The following LAMA2 variants were observed in gnomAD, a reference collection of about 807,000 sequenced individuals.
LAMA2 encodes laminin subunit alpha-2.
LAMA2 carries 269 observed loss-of-function variants against 364.8 expected under a neutral mutation model. The ratio of observed to expected loss-of-function variants is 0.74; its 90% confidence interval spans 0.67 to 0.82. The LOEUF is 0.82. Among genes scored for constraint, LAMA2 ranks in the 40% least tolerant of loss-of-function variants. The pLI is 0.00. For synonymous variants in LAMA2, 1,379 were observed against 1,370.6 expected (o/e 1.01, Z -0.14); for missense variants, 3,807 against 3,873.2 (o/e 0.98, Z 0.45).
chr6:129,353,475 A>G (rs1776978443), intron 32 of LAMA2, 118 bp downstream of exon 32: 1 of 761,630 alleles, frequency 1.3e-6, no homozygotes. Flanking sequence ...CAATAGTTAT[A>G]CTCTTCATTC....
chr6:128,993,697 TGTCA>T (rs1274923561), intron 1 of LAMA2, among the ~76,000 whole-genome samples: 1 of 152,128 alleles, frequency 6.6e-6, no homozygotes. Context: ...TGCTTGTGTG[TGTCA>T]GTCAGAGGGG....
chr6:129,095,112 A>G (rs763489118), intron 3 of LAMA2, among the ~76,000 whole-genome samples: 1 of 152,220 alleles, frequency 6.6e-6, no homozygotes, highest in Non-Finnish European at 1.5e-5. Flanking sequence ...TCTTTAACCC[A>G]TTTCTCATTT....
At chr6:129,229,318 TG>T (rs1172354090) in intron 12 of LAMA2, among the ~76,000 whole-genome samples, 1 of 152,064 alleles carries the variant, frequency 6.6e-6, no homozygotes, top group Non-Finnish European at 1.5e-5. Context: ...AAAAGTTATG[TG>T]GGTATCTGGA....
chr6:129,505,233 C>A lies in LAMA2; in HGVS notation c.8581C>A (p.Leu2861Ile), dbSNP rs1372707521. 1.9e-6 allele frequency: 3 copies of A among 1,613,724 alleles called. No individual in the cohort carries two copies. Among genetic ancestry groups the A allele is most frequent in the East Asian group, 2.2e-5 (1 of 44,864 alleles). The change falls in exon 61 of 65, where the codon CTT (leucine) becomes ATT (isoleucine). Residue 2861 changes from leucine (L) to isoleucine (I), a missense_variant. Leu to Ile is a conservative substitution (Grantham distance 5, BLOSUM62 2). This residue lies in a region of LAMA2 where 3,333 missense variants were observed against 3,345.7 expected (regional missense o/e 1.00). Transcript: ENST00000421865. ...AATGAGAAGTAAGCAAGAAGGAATT[C>A]TTTATGTAGATGGGGCTTCCAACAG... The part of the protein sequence containing the change: ...KIMRSKQEGI[L>I]YVDGASNRTI...
At position 128,883,327 on chromosome 6, in the gene LAMA2, C is replaced by T. The variant is rs776665392; in HGVS notation, c.82C>T (p.Gln28Ter). The stretch of plus-strand genomic sequence containing the variant: ...CGTACAGGCGCAGCGGCCGCAGCAG[C>T]AGCGGCAGTCACAGGCACATCAGCA... Reference protein sequence around the residue: ...GGVQAQRPQQQRQSQAHQQRG... With the variant: ...GGVQAQRPQQ The change falls in exon 1 of 65, where the codon CAG becomes TAG. Residue 28 changes from glutamine (Q) to a stop codon, truncating the protein, a stop_gained. Coordinates refer to ENST00000421865, the MANE Select transcript of LAMA2 (RefSeq NM_000426.4). LOFTEE classifies it high-confidence loss of function. The T allele has an allele frequency of 6.3e-7, 1 of 1,598,586 alleles. No individual in the cohort carries two copies. The highest frequency in any genetic ancestry group is 8.5e-7 in the Non-Finnish European group (1 of 1,172,942).
Position 129,098,360 on chromosome 6 carries a change from A to G in LAMA2, c.584A>G (p.Asp195Gly), listed in dbSNP as rs1775312625. ...RTGPPSYAKD[D>G]EVICTSFYSK... ...GGGCCACCGTCATATGCCAAAGATG[A>G]TGAGGTCATCTGCACTTCATTTTAC... The change falls in exon 4 of 65, where the codon GAT becomes GGT. Residue 195 changes from aspartate to glycine, a missense_variant. Asp to Gly is a moderately conservative substitution (Grantham distance 94). Around this residue, in one of 3 missense-constraint regions of LAMA2, gnomAD observed 394 missense variants for 403.5 expected, o/e 0.98. Coordinates refer to ENST00000421865, the MANE Select transcript of LAMA2 (RefSeq NM_000426.4). 1 of 1,614,100 alleles carries G rather than the reference A, an allele frequency of 6.2e-7. No individual in the cohort carries two copies. Among genetic ancestry groups the G allele is most frequent in the African/African-American group, 1.3e-5 (1 of 75,034 alleles).
chr6:128,885,245 G>A (rs1776080286), intron 1 of LAMA2, among the ~76,000 whole-genome samples: 1 of 152,084 alleles, frequency 6.6e-6, no homozygotes, highest in Non-Finnish European at 1.5e-5. Context: ...ACTTAAACCT[G>A]TTAATGTTGA....
chr6:129,148,030 C>T (rs912947877), intron 6 of LAMA2, among the ~76,000 whole-genome samples: 1 of 152,008 alleles, frequency 6.6e-6, no homozygotes, highest in Admixed American at 6.6e-5. Flanking sequence ...CCCCTATCAA[C>T]CCATCACCTA....
At chr6:128,895,370 C>T (rs975132028) in intron 1 of LAMA2, among the ~76,000 whole-genome samples, 15 of 150,688 alleles carry the variant, frequency 1.0e-4, no homozygotes, top group African/African-American at 2.9e-4. Context: ...CGGTGGCTCA[C>T]GCCTGTAATC....
chr6:129,170,866 G>C lies in LAMA2; in HGVS notation c.1306+5191G>C, dbSNP rs1302640628. 6.1e-5 allele frequency among the ~76,000 whole-genome samples: 9 copies of C among 148,454 alleles called. No homozygotes were observed. The South Asian group carries it at 6.5e-4, about 11-fold the overall frequency. ...TATGAATCTGGGTGCTCCTGTATTG[G>C]GTGCATATATATTTAGGATAGTTAG... On this transcript the variant is annotated intron_variant, in intron 9 of 64. Transcript: ENST00000421865.
intron 58 of LAMA2, among the ~76,000 whole-genome samples, chr6:129,502,191 G>A (rs988653775): frequency 1.3e-5 from 2 of 152,194 alleles, no homozygotes; most frequent in South Asian, 4.1e-4. Flanking sequence ...AAACCTTCTA[G>A]TGGACTGATA....
In LAMA2 at chr6:129,403,153, C is replaced by G. The variant is rs548093024; in HGVS notation, c.5726+666C>G. On this transcript the variant is annotated intron_variant, in intron 39 of 64. Transcript: ENST00000421865. The stretch of plus-strand genomic sequence containing the variant: ...TGCTATTAGCCCCAAGAATAATTTG[C>G]CCAGATAAATCTACATCACATGCAA... 3.6e-4 allele frequency among the ~76,000 whole-genome samples: 55 copies of G among 152,132 alleles called. 1 individual carries two copies. Among genetic ancestry groups the G allele is most frequent in the Non-Finnish European group, 6.2e-4 (42 of 68,022 alleles).
chr6:129,438,582 A>AT, intron 41 of LAMA2, 64 bp from the exon 42 acceptor site: 1 of 792,000 alleles, frequency 1.3e-6, no homozygotes, highest in Non-Finnish European at 2.2e-6. Flanking sequence ...GAAATTGCAC[A>AT]TCCAAGTATA....
chr6:128,907,837 A>G (rs1777599337), intron 1 of LAMA2, among the ~76,000 whole-genome samples: 1 of 152,190 alleles, frequency 6.6e-6, no homozygotes, highest in African/African-American at 2.4e-5. Context: ...GAGAGTTTTT[A>G]GCATGAAGTG....
chr6:129,096,430 A>G (rs548706000), intron 3 of LAMA2, among the ~76,000 whole-genome samples: 1 of 152,348 alleles, frequency 6.6e-6, no homozygotes, highest in East Asian at 1.9e-4. Context: ...GGCAGCTTTA[A>G]TATGTTCACA....
At chr6:128,971,403 C>T (rs941690747) in intron 1 of LAMA2, among the ~76,000 whole-genome samples, 7 of 151,924 alleles carry the variant, frequency 4.6e-5, no homozygotes, top group African/African-American at 1.7e-4. Context: ...TAATTATATA[C>T]CAACATGGAG....
At chr6:129,165,223 T>A (rs1481243294) in intron 8 of LAMA2, among the ~76,000 whole-genome samples, 1 of 151,672 alleles carries the variant, frequency 6.6e-6, no homozygotes, top group Non-Finnish European at 1.5e-5. Flanking sequence ...GGAAAATAAA[T>A]CTTGTATATA....
intron 4 of LAMA2, among the ~76,000 whole-genome samples, chr6:129,143,391 T>G (rs1489638813): frequency 1.3e-5 from 2 of 152,034 alleles, no homozygotes; most frequent in African/African-American, 4.8e-5. Flanking sequence ...ATGATAGATT[T>G]GTCTAGTTTT....
At chr6:129,335,093 A>G (rs922171917) in intron 29 of LAMA2, among the ~76,000 whole-genome samples, 2 of 152,142 alleles carry the variant, frequency 1.3e-5, no homozygotes, top group Admixed American at 6.5e-5. Flanking sequence ...AGCTTTATAG[A>G]CTAAATATTT....
Sources: gnomAD v4.1 joint callset for allele counts (sites outside exome capture counted in the v4.1 genomes callset) on GRCh38, gnomAD v4.1.1 for gene constraint, gnomAD v4.1.1 regional missense constraint, MANE v1.5 for transcripts, NCBI Gene and HGNC (gene_info 2026-07-23, HGNC 2026-07-21) for gene names.